MAPKAP1: variants seen among roughly 807,000 people sequenced by gnomAD.
The protein encoded by MAPKAP1 is MAPK associated protein 1.
MAPKAP1 carries 20 observed loss-of-function variants against 65.7 expected under a neutral mutation model. The ratio of observed to expected loss-of-function variants is 0.30; its 90% CI spans 0.21 to 0.44. MAPKAP1 has a LOEUF of 0.44. MAPKAP1 is among the 20% of genes least tolerant of loss of function. MAPKAP1 has a pLI of 1.00. For synonymous variants in MAPKAP1, 222 were observed against 244.3 expected, an observed-to-expected ratio of 0.91 and a Z score of 0.85; for missense variants, 423 against 648.0, an observed-to-expected ratio of 0.65 and a Z score of 3.77.
chr9:125,547,877 C>G (rs751186541), intron 6 of MAPKAP1, among the ~76,000 whole-genome samples: 1 of 152,184 alleles, frequency 6.6e-6, no homozygotes, highest in Non-Finnish European at 1.5e-5. Flanking sequence ...TGTTCTGCCT[C>G]AACTTAATTC....
At chr9:125,518,731 A>G (rs1457198306) in intron 7 of MAPKAP1, among the ~76,000 whole-genome samples, 2 of 152,240 alleles carry the variant, frequency 1.3e-5, no homozygotes, top group Non-Finnish European at 2.9e-5. Flanking sequence ...TATTAAATTT[A>G]TAAGATATAG....
chr9:125,634,453 G>A (rs1409786840), intron 4 of MAPKAP1, among the ~76,000 whole-genome samples: 3 of 152,280 alleles, frequency 2.0e-5, no homozygotes, highest in South Asian at 4.1e-4. Flanking sequence ...AGAGGTGAAC[G>A]TGTAATAAAT....
intron 5 of MAPKAP1, among the ~76,000 whole-genome samples, chr9:125,581,574 T>C (rs148044932): frequency 1.3e-5 from 2 of 152,348 alleles, no homozygotes; most frequent in African/African-American, 4.8e-5. Flanking sequence ...TCTTTACCTA[T>C]TCTATATGTC....
intron 7 of MAPKAP1, among the ~76,000 whole-genome samples, chr9:125,509,306 T>C (rs1397129299): frequency 6.6e-6 from 1 of 152,028 alleles, no homozygotes; most frequent in Non-Finnish European, 1.5e-5. Flanking sequence ...TGTAAAGGAA[T>C]AGAGGAAAAA....
Position 125,667,079 on chromosome 9 carries a change from A to G in MAPKAP1, c.349+2739T>C, listed in dbSNP as rs118156571. Reference sequence around the variant, plus strand: ...GAGAAGGAAACTGAAGGAGAGAAGTATAAGAAGTACATGTCTACAATGGAC... The same window carrying G: ...GAGAAGGAAACTGAAGGAGAGAAGTGTAAGAAGTACATGTCTACAATGGAC... On this transcript the variant is annotated intron_variant, in intron 3 of 11. Coordinates refer to ENST00000265960, the MANE Select transcript of MAPKAP1 (RefSeq NM_001006617.3). Among the ~76,000 whole-genome samples, 475 of 152,364 alleles carry G rather than the reference A, an allele frequency of 3.1e-3. 2 individuals are homozygous for G. Among genetic ancestry groups the G allele is most frequent in the Admixed American group, 4.4e-3 (67 of 15,308 alleles).
intron 4 of MAPKAP1, among the ~76,000 whole-genome samples, chr9:125,640,170 C>T (rs1020717340): frequency 6.6e-6 from 1 of 152,106 alleles, no homozygotes; most frequent in Admixed American, 6.5e-5. Flanking sequence ...GTGGCACGAT[C>T]TCTGCTCACT....
At position 125,653,702 on chromosome 9, in the gene MAPKAP1, G is replaced by A. The variant is rs549500005; in HGVS notation, c.498+3949C>T. Among the ~76,000 whole-genome samples the A allele has an allele frequency of 2.4e-4, 37 of 152,346 alleles. 2 individuals are homozygous for A. The highest frequency in any genetic ancestry group is 8.4e-4 in the African/African-American group (35 of 41,582). ...AAGTCACACCGTAAGTGGAGCCATG[G>A]GGATTCGAATGGAGGCTTTACTACA... On this transcript the variant is annotated intron_variant, in intron 4 of 11. Transcript: ENST00000265960.
At chr9:125,505,707 T>C (rs1014621255) in intron 8 of MAPKAP1, among the ~76,000 whole-genome samples, 4 of 152,114 alleles carry the variant, frequency 2.6e-5, no homozygotes, top group Admixed American at 6.6e-5. Context: ...GTGGAAGAAA[T>C]AGCCTGTGTA....
At chr9:125,706,556 GAA>G (rs1835765127) in intron 1 of MAPKAP1, among the ~76,000 whole-genome samples, 1 of 152,012 alleles carries the variant, frequency 6.6e-6, no homozygotes. Flanking sequence ...ACTGTAGCTA[GAA>G]AAAAGTCTGT....
intron 10 of MAPKAP1, among the ~76,000 whole-genome samples, chr9:125,452,191 T>C (rs755325169): frequency 6.6e-6 from 1 of 150,718 alleles, no homozygotes; most frequent in Non-Finnish European, 1.5e-5. Flanking sequence ...CTCTGTCTCC[T>C]GAGTTTGAGT....
chr9:125,521,956 G>A (rs568546503), intron 7 of MAPKAP1, among the ~76,000 whole-genome samples: 63 of 152,338 alleles, frequency 4.1e-4, no homozygotes, highest in African/African-American at 1.5e-3. Context: ...TTATGTCAGA[G>A]GCTTCGGTAA....
At position 125,614,038 on chromosome 9, in the gene MAPKAP1, T is replaced by C. The variant is rs901132528; in HGVS notation, c.499-28311A>G. On this transcript the variant is annotated intron_variant, in intron 4 of 11. Transcript: ENST00000265960. ...TGGTCTTGATCTCCTGACCTCGTGA[T>C]CCACCCGCCTCGGCCTCCCAAAGTG... Among the ~76,000 whole-genome samples the C allele has an allele frequency of 3.0e-4, 45 of 152,196 alleles. 1 individual carries two copies. Among genetic ancestry groups the C allele is most frequent in the African/African-American group, 9.4e-4 (39 of 41,542 alleles).
chr9:125,691,842 G>A (rs746484879), intron 1 of MAPKAP1, among the ~76,000 whole-genome samples: 2 of 152,216 alleles, frequency 1.3e-5, no homozygotes, highest in Non-Finnish European at 2.9e-5. Context: ...AGAGGAAAGG[G>A]CATTTGACTT....
chr9:125,473,042 G>A (rs1003166398), intron 9 of MAPKAP1, among the ~76,000 whole-genome samples: 2 of 151,562 alleles, frequency 1.3e-5, no homozygotes, highest in Non-Finnish European at 2.9e-5. Context: ...GATCCTCAGT[G>A]AAAGAATGCT....
At chr9:125,505,279 G>A (rs1829104957) in intron 8 of MAPKAP1, among the ~76,000 whole-genome samples, 1 of 152,144 alleles carries the variant, frequency 6.6e-6, no homozygotes, top group Non-Finnish European at 1.5e-5. Flanking sequence ...CAAAAAATTA[G>A]CCGGACATGG....
chr9:125,691,812 G>A (rs1299475671), intron 1 of MAPKAP1, among the ~76,000 whole-genome samples: 1 of 152,184 alleles, frequency 6.6e-6, no homozygotes, highest in Non-Finnish European at 1.5e-5. Flanking sequence ...GAAGTTCACT[G>A]CTGGACTGTA....
chr9:125,450,027 A>C (rs1374943410), intron 10 of MAPKAP1, among the ~76,000 whole-genome samples: 1 of 151,780 alleles, frequency 6.6e-6, no homozygotes, highest in Non-Finnish European at 1.5e-5. Flanking sequence ...GGTTCAAGCG[A>C]TTCTCCTGCC....
chr9:125,623,002 T>C lies in MAPKAP1; in HGVS notation c.498+34649A>G, dbSNP rs183335166. On this transcript the variant is annotated intron_variant, in intron 4 of 11. Coordinates refer to ENST00000265960, the MANE Select transcript of MAPKAP1 (RefSeq NM_001006617.3). ...TGGTGGAGACGGGGTTTCGCTGTGT[T>C]GGCCGGGCCGGTCTCCAGCCCCTAA... 0.014 allele frequency among the ~76,000 whole-genome samples: 2,102 copies of C among 152,048 alleles called. 115 individuals carry two copies. In the East Asian group the frequency reaches 0.2, roughly 14 times the overall value.
At chr9:125,653,106 C>T (rs1833938832) in intron 4 of MAPKAP1, among the ~76,000 whole-genome samples, 2 of 152,346 alleles carry the variant, frequency 1.3e-5, no homozygotes, top group South Asian at 2.1e-4. Context: ...CTGCTCATTT[C>T]ATCCTCCTGA....
Sources: allele counts gnomAD v4.1 joint callset (sites outside exome capture counted in the v4.1 genomes callset), GRCh38; gene constraint gnomAD v4.1.1; transcripts MANE v1.5; gene names NCBI Gene and HGNC (gene_info 2026-07-23, HGNC 2026-07-21).